The following GRXCR1 variants were observed in gnomAD, a reference collection of about 807,000 sequenced individuals.
The protein encoded by GRXCR1 is glutaredoxin and cysteine rich domain containing 1, also known as glutaredoxin domain-containing cysteine-rich protein 1.
Under a neutral mutation model 27.3 loss-of-function variants are expected in GRXCR1, and 27 were observed. That is an observed-to-expected ratio of 0.99 (90% CI 0.73 to 1.37). GRXCR1 has a LOEUF of 1.37. Among genes scored for constraint, GRXCR1 ranks in the 40% most tolerant of loss-of-function variants. The pLI is 0.00. For synonymous variants in GRXCR1, 122 were observed against 131.1 expected (o/e 0.93, Z 0.47); for missense variants, 379 against 354.4 (o/e 1.07, Z -0.56).
intron 1 of GRXCR1, among the ~76,000 whole-genome samples, chr4:42,919,578 T>C (rs556228522): frequency 6.6e-6 from 1 of 152,122 alleles, no homozygotes; most frequent in East Asian, 1.9e-4. Context: ...GCCTTCAGAG[T>C]TGAGGGCTCA....
intron 1 of GRXCR1, among the ~76,000 whole-genome samples, chr4:42,907,770 A>C (rs115307038): frequency 4.7e-4 from 72 of 152,318 alleles, no homozygotes; most frequent in African/African-American, 1.7e-3. Flanking sequence ...ACTAGATGTC[A>C]GCTATAACTT....
At chr4:42,962,439 G>A (rs1301498529) in intron 1 of GRXCR1, among the ~76,000 whole-genome samples, 1 of 151,836 alleles carries the variant, frequency 6.6e-6, no homozygotes, top group South Asian at 2.1e-4. Context: ...GGAAATTGTT[G>A]CCCCAAAGAC....
intron 2 of GRXCR1, among the ~76,000 whole-genome samples, chr4:42,990,957 ATCTATTATATTT>A (rs1421240718): frequency 1.3e-5 from 2 of 152,100 alleles, no homozygotes; most frequent in Non-Finnish European, 2.9e-5. Flanking sequence ...GCTCTTAGTA[ATCTATTATATTT>A]TAGTTTTTAT....
At chr4:43,000,516 T>A (rs1435653004) in intron 2 of GRXCR1, among the ~76,000 whole-genome samples, 1 of 148,574 alleles carries the variant, frequency 6.7e-6, no homozygotes, top group Non-Finnish European at 1.5e-5. Context: ...CTAAGTCTCA[T>A]GGTATAGCAG....
chr4:42,979,437 A>G (rs908713925), intron 2 of GRXCR1, among the ~76,000 whole-genome samples: 2 of 152,098 alleles, frequency 1.3e-5, no homozygotes, highest in Non-Finnish European at 2.9e-5. Flanking sequence ...TATTGAAATG[A>G]TAATATATTG....
chr4:42,935,003 G>A (rs1747423533), intron 1 of GRXCR1, among the ~76,000 whole-genome samples: 1 of 151,926 alleles, frequency 6.6e-6, no homozygotes, highest in African/African-American at 2.4e-5. Context: ...CTTGGCTTCT[G>A]GTGAGGACAG....
chr4:42,983,011 T>C (rs1271287379), intron 2 of GRXCR1, among the ~76,000 whole-genome samples: 5 of 152,138 alleles, frequency 3.3e-5, no homozygotes, highest in East Asian at 3.8e-4. Flanking sequence ...AGGTTGCCTG[T>C]TCACTCTGAT....
In GRXCR1 at chr4:42,998,664, T is replaced by C. The variant is rs1712253668; in HGVS notation, c.628-21690T>C. Reference sequence around the variant, plus strand: ...TGCTTGAATTTCATGTTTGTGGCATTTCCTGACAGGACATCATCTGTCCCA... The same window carrying C: ...TGCTTGAATTTCATGTTTGTGGCATCTCCTGACAGGACATCATCTGTCCCA... On this transcript the variant is annotated intron_variant, in intron 2 of 3. Transcript: ENST00000399770. Among the ~76,000 whole-genome samples, 3 of 152,248 alleles carry C rather than the reference T, an allele frequency of 2.0e-5. No homozygotes were observed. The South Asian group carries it at 6.2e-4, about 31-fold the overall frequency.
intron 1 of GRXCR1, among the ~76,000 whole-genome samples, chr4:42,950,196 T>C (rs1224939654): frequency 6.6e-6 from 1 of 151,956 alleles, no homozygotes; most frequent in East Asian, 1.9e-4. Flanking sequence ...AGATGAAGGG[T>C]GTTACGAAAA....
intron 1 of GRXCR1, among the ~76,000 whole-genome samples, chr4:42,918,070 C>T (rs886096288): frequency 1.3e-5 from 2 of 152,044 alleles, no homozygotes; most frequent in African/African-American, 4.8e-5. Context: ...AATAAATACT[C>T]TTGGTGTTGT....
intron 1 of GRXCR1, among the ~76,000 whole-genome samples, chr4:42,959,025 A>G (rs1748070626): frequency 6.6e-6 from 1 of 151,962 alleles, no homozygotes; most frequent in Non-Finnish European, 1.5e-5. Context: ...TAAAGAAATG[A>G]AAAACAGAAC....
chr4:43,020,493 T>C (rs1046267201), intron 3 of GRXCR1, 74 bp downstream of exon 3: 2 of 945,028 alleles, frequency 2.1e-6, no homozygotes, highest in Non-Finnish European at 3.4e-6. Flanking sequence ...TGAGTTTTCC[T>C]AATTGAATTC....
At chr4:43,025,636 A>G (rs1400553136) in intron 3 of GRXCR1, among the ~76,000 whole-genome samples, 1 of 152,216 alleles carries the variant, frequency 6.6e-6, no homozygotes, top group Non-Finnish European at 1.5e-5. Context: ...TGGATTCTTA[A>G]TTGCTTGCAG....
intron 1 of GRXCR1, among the ~76,000 whole-genome samples, chr4:42,909,983 G>T (rs150288426): frequency 3.9e-5 from 6 of 152,210 alleles, no homozygotes; most frequent in African/African-American, 1.4e-4. Context: ...CCCCGAGACT[G>T]GGTAATTTAC....
In GRXCR1 at chr4:42,962,907, C is replaced by G; in HGVS notation, c.400C>G (p.Leu134Val). The change falls in exon 2 of 4, where the codon CTA (leucine) becomes GTA (valine). Residue 134 changes from leucine to valine, a missense_variant. By Grantham distance (32) the Leu-to-Val change is conservative. Transcript: ENST00000399770. ...TKVLQQPSTD[L>V]EFDRVVIYTT... ...TTCCCTTCAGCAACCATCAACTGATCTAGAATTTGACCGTGTAGTGATTTA... is the reference window on the plus strand; with the variant it reads ...TTCCCTTCAGCAACCATCAACTGATGTAGAATTTGACCGTGTAGTGATTTA... 6.2e-7 allele frequency: 1 copy of G among 1,612,582 alleles called. No homozygotes were observed. Among genetic ancestry groups the G allele is most frequent in the Non-Finnish European group, 8.5e-7 (1 of 1,178,900 alleles).
intron 2 of GRXCR1, among the ~76,000 whole-genome samples, chr4:42,977,145 T>C (rs1748544243): frequency 1.3e-5 from 2 of 152,010 alleles, no homozygotes; most frequent in South Asian, 4.1e-4. Context: ...GATGAGAAGA[T>C]TTTCTTCTTT....
chr4:43,014,918 C>T (rs1235603238), intron 2 of GRXCR1, among the ~76,000 whole-genome samples: 4 of 152,144 alleles, frequency 2.6e-5, no homozygotes. Flanking sequence ...ACTGGACTTG[C>T]TGTGCAGTGG....
In GRXCR1 at chr4:42,987,241, A is replaced by AT. The variant is rs1276367661; in HGVS notation, c.627+24107_627+24108insT. 3.3e-3 allele frequency among the ~76,000 whole-genome samples: 216 copies of AT among 66,398 alleles called. 2 individuals carry two copies. The highest frequency in any genetic ancestry group is 0.01 in the African/African-American group (203 of 19,514). 43.6% of individuals were successfully genotyped at this position (66,398 alleles called of 152,430 possible). On this transcript the variant is annotated intron_variant, in intron 2 of 3. Transcript: ENST00000399770. ...TATATATTATATATTATATATATAT[A>AT]ATATATAATATATATATATAATATA...
chr4:43,007,537 A>G (rs1269955138), intron 2 of GRXCR1, among the ~76,000 whole-genome samples: 1 of 152,210 alleles, frequency 6.6e-6, no homozygotes, highest in East Asian at 1.9e-4. Flanking sequence ...CTGCATAGAG[A>G]GGAGGTTGGA....
Sources: gnomAD v4.1 joint callset for allele counts (sites outside exome capture counted in the v4.1 genomes callset) on GRCh38, gnomAD v4.1.1 for gene constraint, MANE v1.5 for transcripts, NCBI Gene and HGNC (gene_info 2026-07-23, HGNC 2026-07-21) for gene names.